LNPK: variants seen among roughly 807,000 people sequenced by gnomAD.
LNPK encodes lunapark, ER junction formation factor, also known as endoplasmic reticulum junction formation protein lunapark.
Under a neutral mutation model 55.2 loss-of-function variants are expected in LNPK, and 29 were observed. The observed-to-expected ratio is 0.53, with a 90% CI of 0.39 to 0.72. The LOEUF is 0.72. Among genes scored for constraint, LNPK ranks in the 30% least tolerant of loss-of-function variants. The probability of loss-of-function intolerance (pLI) is 0.00; values close to 1 mark genes in which losing one functional copy is unlikely to be tolerated. For synonymous variants in LNPK, 162 were observed against 168.2 expected (o/e 0.96, Z 0.29); for missense variants, 467 against 494.8 (o/e 0.94, Z 0.53).
intron 9 of LNPK, among the ~76,000 whole-genome samples, chr2:175,942,785 A>G (rs936367595): frequency 1.3e-5 from 2 of 151,666 alleles, no homozygotes; most frequent in Non-Finnish European, 2.9e-5. Context: ...AGAAGAGCAA[A>G]TGAAACCCAA....
intron 6 of LNPK, among the ~76,000 whole-genome samples, chr2:175,968,586 G>T (rs183634220): frequency 1.4e-4 from 21 of 152,036 alleles, no homozygotes; most frequent in Admixed American, 1.3e-3. Context: ...ATCTAGACTT[G>T]GGAATTTTTT....
chr2:175,979,762 A>G, intron 5 of LNPK, 48 bp downstream of exon 5: 2 of 1,390,156 alleles, frequency 1.4e-6, no homozygotes, highest in East Asian at 5.1e-5. Context: ...GCACATTCTA[A>G]AATAGGTATT....
At chr2:175,947,381 A>T in intron 9 of LNPK, 99 bp downstream of exon 9, 1 of 964,112 alleles carries the variant, frequency 1.0e-6, no homozygotes, top group Non-Finnish European at 1.6e-6. Flanking sequence ...TGCTATTTCC[A>T]AATGAAATGC....
intron 6 of LNPK, among the ~76,000 whole-genome samples, chr2:175,967,394 T>A (rs1437510207): frequency 6.6e-6 from 1 of 152,146 alleles, no homozygotes; most frequent in African/African-American, 2.4e-5. Context: ...AAGGGCACAC[T>A]AGCACAAAAT....
At chr2:175,991,725 T>C (rs1687710022) in intron 4 of LNPK, among the ~76,000 whole-genome samples, 1 of 152,228 alleles carries the variant, frequency 6.6e-6, no homozygotes, top group African/African-American at 2.4e-5. Context: ...AACTTTTTAT[T>C]AAATTGTCTC....
At chr2:175,936,467 T>C (rs1423056640) in intron 12 of LNPK, among the ~76,000 whole-genome samples, 1 of 152,182 alleles carries the variant, frequency 6.6e-6, no homozygotes, top group Non-Finnish European at 1.5e-5. Flanking sequence ...GAAATTAAAA[T>C]AATTAATCCT....
intron 4 of LNPK, among the ~76,000 whole-genome samples, chr2:175,985,436 G>C (rs1035700738): frequency 2.0e-5 from 3 of 152,064 alleles, no homozygotes; most frequent in Non-Finnish European, 4.4e-5. Flanking sequence ...GAAAGACGTT[G>C]GTCTGTTTTG....
Position 175,935,016 on chromosome 2 carries a change from G to A in LNPK, c.1054+2328C>T, listed in dbSNP as rs1039858871. On this transcript the variant is annotated intron_variant, in intron 12 of 12. Coordinates refer to ENST00000272748, the MANE Select transcript of LNPK (RefSeq NM_030650.3). Reference sequence around the variant, plus strand: ...CAGCTTTGTGCCCCATCCTAAATGCGAAATCTTCCAAAATCAGAATCCAGG... The same window carrying A: ...CAGCTTTGTGCCCCATCCTAAATGCAAAATCTTCCAAAATCAGAATCCAGG... Among the ~76,000 whole-genome samples, 7 of 151,900 alleles carry A rather than the reference G, an allele frequency of 4.6e-5. No individual in the cohort carries two copies. The South Asian group carries it at 6.3e-4, about 14-fold the overall frequency.
intron 4 of LNPK, among the ~76,000 whole-genome samples, chr2:175,989,932 C>A (rs1324118633): frequency 6.6e-6 from 1 of 152,124 alleles, no homozygotes; most frequent in Non-Finnish European, 1.5e-5. Context: ...CAGTCCTGAT[C>A]CATGACCTTT....
intron 8 of LNPK, among the ~76,000 whole-genome samples, chr2:175,952,032 T>G (rs553789383): frequency 6.6e-6 from 1 of 152,200 alleles, no homozygotes; most frequent in African/African-American, 2.4e-5. Flanking sequence ...TTGTATATTT[T>G]CTTTTGAGAA....
chr2:175,932,275 G>A (rs1218593670), intron 12 of LNPK: 1 of 425,470 alleles, frequency 2.4e-6, no homozygotes, highest in Non-Finnish European at 4.7e-6. Context: ...ACAAATTCTG[G>A]GGCCACAAAG....
At chr2:175,997,764 G>T (rs1454735741) in intron 1 of LNPK, among the ~76,000 whole-genome samples, 1 of 132,564 alleles carries the variant, frequency 7.5e-6, no homozygotes, top group East Asian at 2.3e-4. Context: ...TTGAGACAGG[G>T]TCTCACTGAC....
At position 175,972,060 on chromosome 2, in the gene LNPK, C is replaced by T. The variant is rs1015882975; in HGVS notation, c.317-1256G>A. On this transcript the variant is annotated intron_variant, in intron 5 of 12. Coordinates refer to ENST00000272748, the MANE Select transcript of LNPK (RefSeq NM_030650.3). ...CAGTCTCCCAAGCTGGAATTACAGG[C>T]GTGTACCACCACACCAAGCTAATTT... 3.3e-5 allele frequency among the ~76,000 whole-genome samples: 5 copies of T among 152,034 alleles called. No individual in the cohort carries two copies. In the East Asian group the frequency reaches 7.7e-4, roughly 24 times the overall value.
rs1004825637 is a variant in LNPK at position 175,927,936 on chromosome 2, T to G, written c.*2031A>C. 2.0e-5 allele frequency: 3 copies of G among 152,162 alleles called. No homozygotes were observed. Among genetic ancestry groups the G allele is most frequent in the Non-Finnish European group, 4.4e-5 (3 of 68,012 alleles). 9.4% of individuals were successfully genotyped at this position (152,162 alleles called of 1,614,324 possible). ...ATACTATCTGTTTGAGTCTATCAAA[T>G]TTCTCTGAGGTACTCACTCATTTTC... On this transcript the variant is annotated 3_prime_UTR_variant, in exon 13 of 13. Transcript: ENST00000272748.
intron 12 of LNPK, among the ~76,000 whole-genome samples, 186 bp downstream of exon 12, chr2:175,937,158 C>G (rs959280042): frequency 5.3e-5 from 8 of 152,116 alleles, no homozygotes; most frequent in Admixed American, 6.6e-5. Flanking sequence ...CACAATACAA[C>G]CTGCATGTTA....
rs1441190050 is a variant in LNPK, at chr2:175,951,605, A to ATATATATATATATCTATATC, written c.494-3914_494-3913insGATATAGATATATATATATA. ...CATTCATATATATATATATATATATATATATCTCAGTTTCTTTATCCACTC... is the reference window on the plus strand; with the variant it reads ...CATTCATATATATATATATATATATATATATATATATATCTATATCTATATCTCAGTTTCTTTATCCACTC... On this transcript the variant is annotated intron_variant, in intron 8 of 12. Coordinates refer to ENST00000272748, the MANE Select transcript of LNPK (RefSeq NM_030650.3). Among the ~76,000 whole-genome samples, 3 of 129,694 alleles carry ATATATATATATATCTATATC rather than the reference A, an allele frequency of 2.3e-5. 1 individual carries two copies. Among genetic ancestry groups the ATATATATATATATCTATATC allele is most frequent in the African/African-American group, 8.7e-5 (3 of 34,340 alleles). The allele number at this position is 129,694 out of a possible 152,430, so 85.1% of individuals were successfully genotyped here. A position where few individuals can be genotyped will look rare whatever the true frequency, so the allele number is the denominator to read the frequency against.
At chr2:175,946,081 C>T (rs1381817454) in intron 9 of LNPK, among the ~76,000 whole-genome samples, 4 of 152,104 alleles carry the variant, frequency 2.6e-5, no homozygotes, top group Admixed American at 6.5e-5. Context: ...GTCTTTCACA[C>T]AGAAACTAAT....
intron 12 of LNPK, among the ~76,000 whole-genome samples, chr2:175,931,564 C>A (rs557917493): frequency 6.6e-6 from 1 of 152,228 alleles, no homozygotes; most frequent in Admixed American, 6.5e-5. Context: ...AGAATAAAGG[C>A]CCAAATTCTA....
Position 175,930,118 on chromosome 2 carries a change from A to G in LNPK, c.1136T>C (p.Val379Ala). The G allele has an allele frequency of 6.2e-7, 1 of 1,613,806 alleles. No homozygotes were observed. The highest frequency in any genetic ancestry group is 8.5e-7 in the Non-Finnish European group (1 of 1,179,866). The change falls in exon 13 of 13, where the codon GTG becomes GCG. Residue 379 changes from valine (V) to alanine (A), a missense_variant. Coordinates refer to ENST00000272748, the MANE Select transcript of LNPK (RefSeq NM_030650.3). ...CTCTGAGTCAGATGCTTTTTCAATC[A>G]CTTGGTTTGTCTGTTCTGTAGCTGG... ...KIPATEQTNQ[V>A]IEKASDSEEP...
Sources: allele counts gnomAD v4.1 joint callset (sites outside exome capture counted in the v4.1 genomes callset), GRCh38; gene constraint gnomAD v4.1.1; transcripts MANE v1.5; gene names NCBI Gene and HGNC (gene_info 2026-07-23, HGNC 2026-07-21).